CAMTA1: variants seen among roughly 807,000 people sequenced by gnomAD.
CAMTA1 encodes calmodulin-binding transcription activator 1.
Under a neutral mutation model 170.9 loss-of-function variants are expected in CAMTA1, and 27 were observed. That is an observed-to-expected ratio of 0.16 (90% CI 0.12 to 0.22). The LOEUF (loss-of-function observed/expected upper bound fraction) is 0.22. Ranked by LOEUF, CAMTA1 falls within the 10% of genes least tolerant of loss-of-function variation. The pLI is 1.00. For synonymous variants in CAMTA1, 833 were observed against 891.5 expected, an observed-to-expected ratio of 0.93 and a Z score of 1.17; for missense variants, 1,619 against 2,217.2, an observed-to-expected ratio of 0.73 and a Z score of 5.42.
At chr1:7,303,553 G>A (rs1675118063) in intron 5 of CAMTA1, among the ~76,000 whole-genome samples, 1 of 152,138 alleles carries the variant, frequency 6.6e-6, no homozygotes, top group Non-Finnish European at 1.5e-5. Context: ...TTTGTTGGAT[G>A]ATTACATCGT....
chr1:6,874,345 C>CA (rs1334481090), intron 3 of CAMTA1: 1 of 152,352 alleles, frequency 6.6e-6, no homozygotes, highest in African/African-American at 2.4e-5. Flanking sequence ...CTGACCACAG[C>CA]AAATCACCCA....
intron 3 of CAMTA1, among the ~76,000 whole-genome samples, chr1:6,938,809 A>G (rs1338709757): frequency 6.6e-6 from 1 of 152,014 alleles, no homozygotes; most frequent in Non-Finnish European, 1.5e-5. Context: ...GTATAGACTG[A>G]CCAGTATTAT....
chr1:7,542,879 G>GTGTGTGTGTGTGTGTGTT lies in CAMTA1; in HGVS notation c.510+74979_510+74980insGTGTGTGTGTGTGTGTTT, dbSNP rs1459264062. Reference sequence around the variant, plus strand: ...TGTGTGTGTGTGTGTGTGTGTGTGTGTTTGAGCCGGAGTCTTGCTCTGTCA... The same window carrying GTGTGTGTGTGTGTGTGTT: ...TGTGTGTGTGTGTGTGTGTGTGTGTGTGTGTGTGTGTGTGTGTTTTTGAGCCGGAGTCTTGCTCTGTCA... On this transcript the variant is annotated intron_variant, in intron 6 of 22. Coordinates refer to ENST00000303635, the MANE Select transcript of CAMTA1 (RefSeq NM_015215.4). Among the ~76,000 whole-genome samples the GTGTGTGTGTGTGTGTGTT allele has an allele frequency of 2.5e-3, 343 of 138,276 alleles. 10 individuals carry two copies. The highest frequency in any genetic ancestry group is 3.9e-3 in the Middle Eastern group (1 of 258). The allele number at this position is 138,276 out of a possible 152,430, so 90.7% of individuals were successfully genotyped here. A position where few individuals can be genotyped will look rare whatever the true frequency, so the allele number is the denominator to read the frequency against.
chr1:7,745,525 C>T lies in CAMTA1; in HGVS notation c.4371-320C>T, dbSNP rs1439912287. Among the ~76,000 whole-genome samples the T allele has an allele frequency of 4.6e-5, 7 of 151,074 alleles. No homozygotes were observed. In the East Asian group the frequency reaches 7.8e-4, roughly 17 times the overall value. ...TGCGCAACAGAGCAAGATTCTGTCT[C>T]AAAAAAAAGAAAAAAAAGAGAGATA... is the stretch of plus-strand genomic sequence containing the variant. On this transcript the variant is annotated intron_variant, in intron 17 of 22. Transcript: ENST00000303635.
At chr1:7,197,317 A>G (rs1655705027) in intron 4 of CAMTA1, among the ~76,000 whole-genome samples, 1 of 152,200 alleles carries the variant, frequency 6.6e-6, no homozygotes, top group Non-Finnish European at 1.5e-5. Context: ...AGCACTGGCT[A>G]GACTTGGCCA....
chr1:7,174,803 C>T (rs1650426311), intron 4 of CAMTA1, among the ~76,000 whole-genome samples: 2 of 152,174 alleles, frequency 1.3e-5, no homozygotes, highest in South Asian at 4.2e-4. Context: ...TCATTGGTGC[C>T]CCACGGCCCA....
intron 5 of CAMTA1, among the ~76,000 whole-genome samples, chr1:7,255,235 A>G (rs940030384): frequency 2.0e-5 from 3 of 152,196 alleles, no homozygotes; most frequent in African/African-American, 7.2e-5. Flanking sequence ...GTGTATACCT[A>G]TGTAACAAAA....
intron 6 of CAMTA1, among the ~76,000 whole-genome samples, chr1:7,596,389 G>T (rs1363283714): frequency 6.6e-6 from 1 of 152,242 alleles, no homozygotes; most frequent in Non-Finnish European, 1.5e-5. Context: ...GTTTGACTCA[G>T]GCTTCTTGGC....
At chr1:6,829,571 T>C (rs890777074) in intron 3 of CAMTA1, among the ~76,000 whole-genome samples, 1 of 152,262 alleles carries the variant, frequency 6.6e-6, no homozygotes, top group Non-Finnish European at 1.5e-5. Flanking sequence ...CTTTGTATGC[T>C]AGGCACTAGT....
At chr1:6,939,362 G>GA (rs1454561556) in intron 3 of CAMTA1, among the ~76,000 whole-genome samples, 8 of 152,242 alleles carry the variant, frequency 5.3e-5, no homozygotes, top group Admixed American at 3.9e-4. Context: ...ACACATTATG[G>GA]GTTGTGCATT....
intron 11 of CAMTA1, among the ~76,000 whole-genome samples, chr1:7,703,704 T>C (rs1356914606): frequency 6.6e-6 from 1 of 152,090 alleles, no homozygotes; most frequent in African/African-American, 2.4e-5. Flanking sequence ...TATCTATTAG[T>C]ATATAACAAA....
At chr1:7,742,478 T>C (rs1577344921) in intron 16 of CAMTA1, among the ~76,000 whole-genome samples, 2 of 152,332 alleles carry the variant, frequency 1.3e-5, no homozygotes, top group African/African-American at 2.4e-5. Flanking sequence ...GTCCAAGGCA[T>C]GTTTATGAAA....
chr1:6,831,916 G>A (rs1290879655), intron 3 of CAMTA1, among the ~76,000 whole-genome samples: 1 of 143,626 alleles, frequency 7.0e-6, no homozygotes, highest in African/African-American at 2.4e-5. Context: ...CAAAACTTGA[G>A]TAATAATTAT....
intron 3 of CAMTA1, among the ~76,000 whole-genome samples, chr1:7,004,401 T>C (rs920272048): frequency 2.6e-5 from 4 of 152,220 alleles, no homozygotes; most frequent in African/African-American, 9.6e-5. Flanking sequence ...GGTTGGCTTC[T>C]GGAAGGTTGA....
At chr1:7,698,031 T>C (rs113405877) in intron 11 of CAMTA1, among the ~76,000 whole-genome samples, 16 of 145,758 alleles carry the variant, frequency 1.1e-4, no homozygotes, top group South Asian at 2.2e-4. Flanking sequence ...AGCTGAAGCA[T>C]AGGGGCACCT....
At chr1:7,403,590 A>G (rs2090072217) in intron 5 of CAMTA1, among the ~76,000 whole-genome samples, 1 of 152,054 alleles carries the variant, frequency 6.6e-6, no homozygotes. Context: ...CACAGGGACA[A>G]CCTGAGTGTG....
rs117872165 is a variant in CAMTA1, at chr1:7,558,654, C to T, written c.511-81746C>T. Among the ~76,000 whole-genome samples, 52 of 152,326 alleles carry T rather than the reference C, an allele frequency of 3.4e-4. 2 individuals carry two copies. The East Asian group carries it at 7.2e-3, about 21-fold the overall frequency. ...ATGTACATCCCTGTCCCCCCAGCCCCGAAACACACGGAACTCACCCGCTCT... is the reference window on the plus strand; with the variant it reads ...ATGTACATCCCTGTCCCCCCAGCCCTGAAACACACGGAACTCACCCGCTCT... On this transcript the variant is annotated intron_variant, in intron 6 of 22. Transcript: ENST00000303635.
rs1464118782 is a variant in CAMTA1 at position 7,426,155 on chromosome 1, C to T, written c.439-41675C>T. On this transcript the variant is annotated intron_variant, in intron 5 of 22. Coordinates refer to ENST00000303635, the MANE Select transcript of CAMTA1 (RefSeq NM_015215.4). This position sits in a 1 kb window ranked among gnomAD's most constrained non-coding sequence, Gnocchi z 4.8. ...CTCTAAACACTTCTGAGCAGATTAC[C>T]TTTCCAGCCTGACTTTAACAGTTTA... Among the ~76,000 whole-genome samples the T allele has an allele frequency of 2.0e-5, 3 of 150,544 alleles. No homozygotes were observed. Among genetic ancestry groups the T allele is most frequent in the Non-Finnish European group, 4.4e-5 (3 of 68,034 alleles).
At chr1:7,710,470 C>A (rs1053143678) in intron 11 of CAMTA1, among the ~76,000 whole-genome samples, 28 of 151,924 alleles carry the variant, frequency 1.8e-4, no homozygotes, top group African/African-American at 6.5e-4. Flanking sequence ...CACAGTGGCA[C>A]ACACCTATAG....
Sources: gnomAD v4.1 joint callset for allele counts (sites outside exome capture counted in the v4.1 genomes callset) on GRCh38, gnomAD v4.1.1 for gene constraint, Gnocchi (gnomAD v3.1) non-coding constraint, MANE v1.5 for transcripts, NCBI Gene and HGNC (gene_info 2026-07-23, HGNC 2026-07-21) for gene names.